Variants in TET2 observed in about 807,000 individuals in gnomAD.
TET2 encodes tet methylcytosine dioxygenase 2.
A neutral mutation model predicts 142.9 loss-of-function variants in TET2; 299 were observed. That is an observed-to-expected ratio of 2.09 (90% CI 1.90 to 2.30). The LOEUF (loss-of-function observed/expected upper bound fraction) is 2.30. Ranked by LOEUF, TET2 falls within the 30% of genes most tolerant of loss-of-function variation. The probability of loss-of-function intolerance (pLI) is 0.00; values close to 1 mark genes in which losing one functional copy is unlikely to be tolerated. For synonymous variants in TET2, 819 were observed against 849.0 expected, an observed-to-expected ratio of 0.96 and a Z score of 0.61; for missense variants, 2,418 against 2,378.0, an observed-to-expected ratio of 1.02 and a Z score of -0.35.
intron 2 of TET2, among the ~76,000 whole-genome samples, chr4:105,214,499 A>C (rs1209140434): frequency 1.8e-5 from 2 of 112,124 alleles, no homozygotes; most frequent in Non-Finnish European, 3.5e-5. Context: ...TTTTTTGTAG[A>C]GAGGTTTCGC....
rs750102116 is a variant in TET2, at chr4:105,279,627, GTTTCA to G, written c.*3117_*3121del. ...TTTTTCTATGCTTTTTTAAAAACTA[GTTTCA>G]TTTCATTTTCATGAGATGTTTGGTT... On this transcript the variant is annotated 3_prime_UTR_variant, in exon 11 of 11. Transcript: ENST00000380013. 41 of 231,822 alleles carry G rather than the reference GTTTCA, an allele frequency of 1.8e-4. No homozygotes were observed. Among genetic ancestry groups the G allele is most frequent in the Non-Finnish European group, 2.3e-4 (27 of 117,232 alleles). 14.4% of individuals were successfully genotyped at this position (231,822 alleles called of 1,614,324 possible). A position where few individuals can be genotyped will look rare whatever the true frequency, so the allele number is the denominator to read the frequency against.
chr4:105,153,420 TCTTGTGATTGTGC>T lies in TET2; in HGVS notation c.-193+6442_-193+6454del, dbSNP rs541295694. On this transcript the variant is annotated intron_variant, in intron 1 of 10. Transcript: ENST00000380013. The stretch of plus-strand genomic sequence containing the variant: ...GCACAAAAGTTTAGCAATTTATCAA[TCTTGTGATTGTGC>T]TGTTATGCCATATTAAAATGTGTGT... Among the ~76,000 whole-genome samples, 1,129 of 152,350 alleles carry T rather than the reference TCTTGTGATTGTGC, an allele frequency of 7.4e-3. 6 individuals carry two copies. Among genetic ancestry groups the T allele is most frequent in the Non-Finnish European group, 0.012 (822 of 68,022 alleles).
chr4:105,233,687 T>C (rs2110218331), intron 2 of TET2, among the ~76,000 whole-genome samples: 1 of 152,294 alleles, frequency 6.6e-6, no homozygotes, highest in Non-Finnish European at 1.5e-5. Context: ...ACCATAAATA[T>C]TTTAGAGTTG....
Position 105,166,860 on chromosome 4 carries a change from C to T in TET2, c.-193+19881C>T, listed in dbSNP as rs1021311773. Among the ~76,000 whole-genome samples, 5 of 152,062 alleles carry T rather than the reference C, an allele frequency of 3.3e-5. No individual in the cohort carries two copies. In the East Asian group the frequency reaches 7.7e-4, roughly 23 times the overall value. ...TTTTTAGATAACTTTTTTCCCTATT[C>T]ATATGTTTATTAGGATCTTTATCTT... On this transcript the variant is annotated intron_variant, in intron 1 of 10. Coordinates refer to ENST00000380013, the MANE Select transcript of TET2 (RefSeq NM_001127208.3).
chr4:105,206,765 A>G (rs1465765459), intron 2 of TET2, among the ~76,000 whole-genome samples: 1 of 152,180 alleles, frequency 6.6e-6, no homozygotes, highest in East Asian at 1.9e-4. Context: ...ATTTACTGGA[A>G]AGAGGGCTTA....
At chr4:105,201,717 A>T (rs564241956) in intron 2 of TET2, among the ~76,000 whole-genome samples, 1 of 141,574 alleles carries the variant, frequency 7.1e-6, no homozygotes, top group South Asian at 2.3e-4. Context: ...TTAACAGAAC[A>T]TCTTCATCCA....
In TET2 at chr4:105,164,798, G is replaced by T. The variant is rs147316905; in HGVS notation, c.-193+17819G>T. Among the ~76,000 whole-genome samples the T allele has an allele frequency of 3.3e-4, 50 of 152,254 alleles. 1 individual carries two copies. Among genetic ancestry groups the T allele is most frequent in the African/African-American group, 1.2e-3 (49 of 41,540 alleles). On this transcript the variant is annotated intron_variant, in intron 1 of 10. Coordinates refer to ENST00000380013, the MANE Select transcript of TET2 (RefSeq NM_001127208.3). Reference sequence around the variant, plus strand: ...GAGATTGCACAAGTGTAACAGCACAGCCTCTGAAGATTGGCTCAAGGGGGA... The same window carrying T: ...GAGATTGCACAAGTGTAACAGCACATCCTCTGAAGATTGGCTCAAGGGGGA...
At position 105,239,196 on chromosome 4, in the gene TET2, G is replaced by T. The variant is rs542550518; in HGVS notation, c.3409+1845G>T. 4.9e-4 allele frequency: 118 copies of T among 240,804 alleles called. 1 individual carries two copies. Among genetic ancestry groups the T allele is most frequent in the African/African-American group, 2.5e-3 (113 of 44,952 alleles). 14.9% of individuals were successfully genotyped at this position (240,804 alleles called of 1,614,324 possible). The stretch of plus-strand genomic sequence containing the variant: ...TTGTTCCATTACTCTACACAAGCAG[G>T]GTACACTTAGCATAATTCTTAAGGG... On this transcript the variant is annotated intron_variant, in intron 3 of 10. Transcript: ENST00000380013.
chr4:105,222,811 G>A (rs9884985), intron 2 of TET2, among the ~76,000 whole-genome samples: 122,753 of 151,254 alleles, frequency 0.81, 50,561 homozygotes, highest in African/African-American at 0.94. Context: ...CGTGAATGGT[G>A]TTGCCTAGGT....
chr4:105,176,419 C>G (rs1724798360), intron 1 of TET2, among the ~76,000 whole-genome samples: 1 of 152,034 alleles, frequency 6.6e-6, no homozygotes, highest in South Asian at 2.1e-4. Context: ...AAAACTGGAA[C>G]TAATAAATGA....
At chr4:105,209,546 A>T (rs1727038442) in intron 2 of TET2, among the ~76,000 whole-genome samples, 1 of 152,112 alleles carries the variant, frequency 6.6e-6, no homozygotes, top group African/African-American at 2.4e-5. Flanking sequence ...TTTTAACTAA[A>T]ACAGTACATA....
chr4:105,245,582 G>A (rs1199038436), intron 6 of TET2, among the ~76,000 whole-genome samples: 6 of 152,152 alleles, frequency 3.9e-5, no homozygotes, highest in South Asian at 2.1e-4. Flanking sequence ...CGCCCGCCTC[G>A]GCCTCCCAGA....
chr4:105,233,833 T>TATAGATAG (rs58201766), intron 2 of TET2, 64 bp from the exon 3 acceptor site: 10,543 of 796,026 alleles, frequency 0.013, 134 homozygotes, highest in South Asian at 0.029. Context: ...TTAGTATTTT[T>TATAGATAG]ATAGATAGAT....
intron 3 of TET2, chr4:105,240,286 C>A: frequency 9.9e-7 from 1 of 1,007,802 alleles, no homozygotes; most frequent in Non-Finnish European, 1.2e-6. Context: ...CTGTGACTCA[C>A]AAAAGAACAA....
rs1731205954 is a variant in TET2 at position 105,276,057 on chromosome 4, C to G, written c.5547C>G (p.Asp1849Glu). Residue 1849 changes from aspartate (D) to glutamate (E), a missense_variant, in exon 11 of 11, where the codon GAC becomes GAG. Coordinates refer to ENST00000380013, the MANE Select transcript of TET2 (RefSeq NM_001127208.3). The stretch of plus-strand genomic sequence containing the variant: ...AGGACAACGATGAGGTCTGGTCAGA[C>G]AGCGAGCAGAGCTTTCTGGATCCTG... ...GAEDNDEVWS[D>E]SEQSFLDPDI... The G allele has an allele frequency of 6.4e-7, 1 of 1,551,686 alleles. No homozygotes were observed. The highest frequency in any genetic ancestry group is 8.7e-7 in the Non-Finnish European group (1 of 1,146,980).
chr4:105,253,572 A>C (rs1553916359), intron 6 of TET2, among the ~76,000 whole-genome samples: 1 of 149,642 alleles, frequency 6.7e-6, no homozygotes, highest in African/African-American at 2.5e-5. Context: ...TCATTCTTTC[A>C]TATTTTCTAG....
chr4:105,226,403 G>A (rs1728191972), intron 2 of TET2, among the ~76,000 whole-genome samples: 1 of 152,010 alleles, frequency 6.6e-6, no homozygotes, highest in African/African-American at 2.4e-5. Context: ...GAATTTCTTA[G>A]CCGTGTGATA....
At chr4:105,198,719 A>G (rs1410138459) in intron 2 of TET2, among the ~76,000 whole-genome samples, 1 of 152,184 alleles carries the variant, frequency 6.6e-6, no homozygotes, top group African/African-American at 2.4e-5. Context: ...CCATGCAGGA[A>G]CCTTCTTTAC....
intron 6 of TET2, among the ~76,000 whole-genome samples, chr4:105,247,913 G>C (rs746387950): frequency 6.6e-6 from 1 of 151,586 alleles, no homozygotes; most frequent in African/African-American, 2.4e-5. Flanking sequence ...GTAGAGACGG[G>C]GTTTCGCCAT....
Sources: gnomAD v4.1 joint callset for allele counts (sites outside exome capture counted in the v4.1 genomes callset) on GRCh38, gnomAD v4.1.1 for gene constraint, MANE v1.5 for transcripts, NCBI Gene and HGNC (gene_info 2026-07-23, HGNC 2026-07-21) for gene names.